The following NKAIN2 variants were observed in gnomAD, a reference collection of about 807,000 sequenced individuals.
NKAIN2 encodes sodium/potassium-transporting ATPase subunit beta-1-interacting protein 2.
A neutral mutation model predicts 32.6 loss-of-function variants in NKAIN2; 14 were observed. That is an observed-to-expected ratio of 0.43 (90% CI 0.28 to 0.67). The LOEUF (loss-of-function observed/expected upper bound fraction) is 0.67, where lower values mean the gene tolerates loss of function less well. Among genes scored for constraint, NKAIN2 ranks in the 30% least tolerant of loss-of-function variants. The pLI is 0.17. For missense variants in NKAIN2, 198 were observed against 258.3 expected (o/e 0.77, Z 1.60); for synonymous variants, 80 against 87.2 (o/e 0.92, Z 0.46).
At chr6:124,092,718 G>T (rs527886532) in intron 1 of NKAIN2, among the ~76,000 whole-genome samples, 5 of 151,832 alleles carry the variant, frequency 3.3e-5, no homozygotes, top group Non-Finnish European at 7.4e-5. Context: ...GCCTATTTAT[G>T]TAAAATTCTT....
chr6:124,066,446 A>G (rs1356506316), intron 1 of NKAIN2, among the ~76,000 whole-genome samples: 2 of 152,296 alleles, frequency 1.3e-5, no homozygotes, highest in East Asian at 3.9e-4. Context: ...TTGCTTCTGC[A>G]GAGCAGTAAA....
intron 1 of NKAIN2, among the ~76,000 whole-genome samples, chr6:124,010,570 C>A (rs1389008639): frequency 6.7e-6 from 1 of 149,742 alleles, no homozygotes; most frequent in Non-Finnish European, 1.5e-5. Context: ...AGGAGTGTGA[C>A]CTGGGCTCAA....
At chr6:124,074,062 G>A (rs1374534540) in intron 1 of NKAIN2, among the ~76,000 whole-genome samples, 1 of 152,154 alleles carries the variant, frequency 6.6e-6, no homozygotes, top group Non-Finnish European at 1.5e-5. Context: ...ATCAGAAAAG[G>A]TAAAAGGTTC....
rs1583014803 is a variant in NKAIN2 at position 124,300,609 on chromosome 6, G to T, written c.192+17467G>T. On this transcript the variant is annotated intron_variant, in intron 2 of 6. Transcript: ENST00000368417. The stretch of plus-strand genomic sequence containing the variant: ...AGATAAGAAAATGTGGGAATGTTTG[G>T]AACTTCCTTGAGACTTGTTGAATGG... 4.6e-5 allele frequency among the ~76,000 whole-genome samples: 7 copies of T among 152,322 alleles called. No homozygotes were observed. The South Asian group carries it at 1.2e-3, about 27-fold the overall frequency.
chr6:124,734,799 A>G (rs1371556368), intron 4 of NKAIN2, among the ~76,000 whole-genome samples: 4 of 151,928 alleles, frequency 2.6e-5, no homozygotes, highest in Non-Finnish European at 2.9e-5. Context: ...CAGATAATGG[A>G]TAAAAGGTCA....
intron 1 of NKAIN2, among the ~76,000 whole-genome samples, chr6:123,869,438 C>G (rs988467010): frequency 1.1e-4 from 17 of 152,166 alleles, no homozygotes; most frequent in Admixed American, 1.1e-3. Context: ...TCAGCCCATG[C>G]AACTGTGAAT....
intron 1 of NKAIN2, among the ~76,000 whole-genome samples, chr6:124,029,785 ATT>A (rs1463078530): frequency 1.3e-5 from 2 of 152,098 alleles, no homozygotes; most frequent in Non-Finnish European, 2.9e-5. Flanking sequence ...CTTTATCTGT[ATT>A]TACAGCCGCT....
chr6:124,153,630 A>G (rs1325362959), intron 1 of NKAIN2, among the ~76,000 whole-genome samples: 1 of 151,552 alleles, frequency 6.6e-6, no homozygotes, highest in Non-Finnish European at 1.5e-5. Flanking sequence ...GGTCTCTTTC[A>G]TCTCGATATT....
chr6:124,326,346 AGATTCCTGTGGT>A (rs1452340167), intron 2 of NKAIN2, among the ~76,000 whole-genome samples: 1 of 152,002 alleles, frequency 6.6e-6, no homozygotes, highest in African/African-American at 2.4e-5. Context: ...TTTTAGTAAG[AGATTCCTGTGGT>A]GAATGCAGAG....
chr6:124,648,275 T>C (rs1405763442), intron 3 of NKAIN2, among the ~76,000 whole-genome samples: 1 of 152,198 alleles, frequency 6.6e-6, no homozygotes, highest in Non-Finnish European at 1.5e-5. Flanking sequence ...CCTACTCTCC[T>C]ACACAGATTG....
Position 124,520,018 on chromosome 6 carries a change from C to T in NKAIN2, c.274-138168C>T, listed in dbSNP as rs546617411. On this transcript the variant is annotated intron_variant, in intron 3 of 6. Coordinates refer to ENST00000368417, the MANE Select transcript of NKAIN2 (RefSeq NM_001040214.3). Reference sequence around the variant, plus strand: ...AGATAAGAAACCTAAGGCAAACATGCTCGAGCAAGGTCACAGACAAGTAAG... The same window carrying T: ...AGATAAGAAACCTAAGGCAAACATGTTCGAGCAAGGTCACAGACAAGTAAG... 1.6e-4 allele frequency among the ~76,000 whole-genome samples: 25 copies of T among 152,206 alleles called. 1 individual carries two copies. The South Asian group carries it at 4.8e-3, about 29-fold the overall frequency.
intron 3 of NKAIN2, among the ~76,000 whole-genome samples, chr6:124,485,735 C>A (rs955682410): frequency 5.3e-5 from 8 of 152,060 alleles, no homozygotes; most frequent in African/African-American, 1.9e-4. Context: ...TACCAGTGTG[C>A]AGCAGGATCC....
intron 3 of NKAIN2, among the ~76,000 whole-genome samples, chr6:124,355,824 T>C (rs1798944813): frequency 6.6e-6 from 1 of 152,226 alleles, no homozygotes; most frequent in African/African-American, 2.4e-5. Flanking sequence ...CAACCCTTTA[T>C]TCTAAATAGG....
intron 3 of NKAIN2, among the ~76,000 whole-genome samples, chr6:124,657,150 C>T (rs1008047047): frequency 8.5e-5 from 13 of 152,214 alleles, no homozygotes; most frequent in East Asian, 3.8e-4. Context: ...ACGTCACAAA[C>T]GATGACTTAA....
At chr6:124,134,897 A>C (rs1225781993) in intron 1 of NKAIN2, among the ~76,000 whole-genome samples, 2 of 152,290 alleles carry the variant, frequency 1.3e-5, no homozygotes, top group Admixed American at 1.3e-4. Context: ...GTGAGGCAAA[A>C]GTATCAGGTA....
At chr6:124,502,634 AT>A (rs1395651402) in intron 3 of NKAIN2, among the ~76,000 whole-genome samples, 9 of 152,132 alleles carry the variant, frequency 5.9e-5, no homozygotes, top group Non-Finnish European at 8.8e-5. Flanking sequence ...TTTACGAGTT[AT>A]TTTTTACATT....
At chr6:124,532,917 T>C (rs1308159726) in intron 3 of NKAIN2, among the ~76,000 whole-genome samples, 1 of 152,182 alleles carries the variant, frequency 6.6e-6, no homozygotes, top group Non-Finnish European at 1.5e-5. Context: ...TTGGGAACTA[T>C]ATGTGTATAA....
At chr6:124,014,003 A>G (rs1780457328) in intron 1 of NKAIN2, among the ~76,000 whole-genome samples, 1 of 152,174 alleles carries the variant, frequency 6.6e-6, no homozygotes, top group East Asian at 1.9e-4. Context: ...CTATAGAACT[A>G]TAGGATAATA....
chr6:123,937,926 A>G (rs1776593804), intron 1 of NKAIN2, among the ~76,000 whole-genome samples: 1 of 107,684 alleles, frequency 9.3e-6, no homozygotes. Context: ...TTCATTATGA[A>G]TGGGGTCAGT....
Sources: allele counts gnomAD v4.1 joint callset (sites outside exome capture counted in the v4.1 genomes callset), GRCh38; gene constraint gnomAD v4.1.1; transcripts MANE v1.5; gene names NCBI Gene and HGNC (gene_info 2026-07-23, HGNC 2026-07-21).